The following SRSF4 variants were observed in gnomAD, a reference collection of about 807,000 sequenced individuals.
SRSF4 encodes the protein serine/arginine-rich splicing factor 4.
SRSF4 carries 12 observed loss-of-function variants against 48.8 expected under a neutral mutation model. The ratio of observed to expected loss-of-function variants is 0.25; its 90% CI spans 0.16 to 0.40. SRSF4 has a LOEUF of 0.40. SRSF4 is among the 10% of genes least tolerant of loss of function. The pLI is 1.00. For missense variants in SRSF4, 466 were observed against 667.1 expected, an observed-to-expected ratio of 0.70 and a Z score of 3.32; for synonymous variants, 248 against 232.5, an observed-to-expected ratio of 1.07 and a Z score of -0.61.
chr1:29,175,728 CAATTATA>C (rs948429481), intron 1 of SRSF4, among the ~76,000 whole-genome samples: 20 of 117,812 alleles, frequency 1.7e-4, no homozygotes, highest in African/African-American at 5.6e-4. Context: ...AAAAAATTTC[CAATTATA>C]AATATGTGCT....
At position 29,148,390 on chromosome 1, in the gene SRSF4, C is replaced by T. The variant is rs1468098185; in HGVS notation, c.*20G>A. On this transcript the variant is annotated 3_prime_UTR_variant, in exon 6 of 6. Transcript: ENST00000373795. ...TGTACAAAAGACTTCTCGGGTAGTT[C>T]CAGCTGTGGCCATAGCCAGTTAGGA... is the stretch of plus-strand genomic sequence containing the variant. The T allele has an allele frequency of 2.6e-6, 4 of 1,567,872 alleles. No homozygotes were observed. Among genetic ancestry groups the T allele is most frequent in the Non-Finnish European group, 3.5e-6 (4 of 1,157,334 alleles).
intron 1 of SRSF4, among the ~76,000 whole-genome samples, chr1:29,168,069 G>A (rs1030293054): frequency 2.0e-5 from 3 of 149,412 alleles, no homozygotes; most frequent in East Asian, 3.9e-4. Flanking sequence ...AGGCTGCAGC[G>A]CAGCGGCGCG....
intron 1 of SRSF4, chr1:29,166,619 T>A (rs1011188021): frequency 1.3e-5 from 2 of 152,234 alleles, no homozygotes; most frequent in Non-Finnish European, 2.9e-5. Flanking sequence ...GTTCCTGAGA[T>A]CCTTTCCTTT....
intron 5 of SRSF4, 27 bp downstream of exon 5, chr1:29,150,076 C>A: frequency 6.3e-7 from 1 of 1,592,766 alleles, no homozygotes; most frequent in Non-Finnish European, 8.6e-7. Flanking sequence ...CTGCTGACCA[C>A]CTCTACTTAT....
At chr1:29,152,331 A>G (rs1672424208) in intron 4 of SRSF4, among the ~76,000 whole-genome samples, 1 of 152,330 alleles carries the variant, frequency 6.6e-6, no homozygotes, top group East Asian at 1.9e-4. Flanking sequence ...AATAAAAACT[A>G]CAGAAGCTGG....
rs560821029 is a variant in SRSF4 at position 29,180,147 on chromosome 1, G to A, written c.107+1499C>T. Among the ~76,000 whole-genome samples, 8 of 152,262 alleles carry A rather than the reference G, an allele frequency of 5.3e-5. No individual in the cohort carries two copies. The South Asian group carries it at 1.2e-3, about 24-fold the overall frequency. ...GTTCAGAGAAGTAACTTGCCCATAC[G>A]TAGTAAGTGGTGGAACCAGGATTTG... On this transcript the variant is annotated intron_variant, in intron 1 of 5. Transcript: ENST00000373795.
At chr1:29,149,688 G>GA (rs35111206) in intron 5 of SRSF4, among the ~76,000 whole-genome samples, 196 of 100,870 alleles carry the variant, frequency 1.9e-3, no homozygotes, top group Non-Finnish European at 2.5e-3. Context: ...CTTGAGGGGG[G>GA]AAAAAAAAAA....
chr1:29,151,859 AATAC>A (rs1412505504), intron 4 of SRSF4, among the ~76,000 whole-genome samples: 1 of 152,232 alleles, frequency 6.6e-6, no homozygotes, highest in Non-Finnish European at 1.5e-5. Context: ...TGCTTGTATA[AATAC>A]ATACATACAA....
At chr1:29,163,621 TA>T (rs1229273644) in intron 1 of SRSF4, among the ~76,000 whole-genome samples, 3 of 152,168 alleles carry the variant, frequency 2.0e-5, no homozygotes, top group African/African-American at 7.2e-5. Context: ...ATAATAAAAA[TA>T]AAATGTTACC....
chr1:29,154,636 T>C, intron 4 of SRSF4, 60 bp downstream of exon 4: 2 of 1,493,988 alleles, frequency 1.3e-6, no homozygotes, highest in Non-Finnish European at 1.8e-6. Context: ...AAATAAATTA[T>C]CTATGTGCTC....
intron 4 of SRSF4, 142 bp from the exon 5 acceptor site, chr1:29,150,334 G>A (rs867475478): frequency 2.4e-5 from 8 of 333,036 alleles, no homozygotes; most frequent in Middle Eastern, 9.2e-4. Flanking sequence ...GCGCGATCTC[G>A]GCTCACCACA....
At chr1:29,169,252 T>C (rs1009519921) in intron 1 of SRSF4, 8 of 152,192 alleles carry the variant, frequency 5.3e-5, no homozygotes, top group African/African-American at 1.4e-4. Flanking sequence ...AGACCTGGGA[T>C]TCTTCACACC....
At chr1:29,154,348 G>A (rs961209255) in intron 4 of SRSF4, 14 of 197,498 alleles carry the variant, frequency 7.1e-5, no homozygotes, top group Non-Finnish European at 1.3e-4. Flanking sequence ...ACAGACATGC[G>A]CCACAGCGCC....
At position 29,148,187 on chromosome 1, in the gene SRSF4, TA is replaced by T; in HGVS notation, c.*222del. 1 of 702,856 alleles carries T rather than the reference TA, an allele frequency of 1.4e-6. No homozygotes were observed. Among genetic ancestry groups the T allele is most frequent in the South Asian group, 1.5e-5 (1 of 66,878 alleles). 43.5% of individuals were successfully genotyped at this position (702,856 alleles called of 1,614,324 possible). On this transcript the variant is annotated 3_prime_UTR_variant, in exon 6 of 6. Coordinates refer to ENST00000373795, the MANE Select transcript of SRSF4 (RefSeq NM_005626.5). ...TGGATATTCTACTGTGGGCCATGAG[TA>T]AAAGGGGATTTTCAAAGAGAAAATT...
intron 1 of SRSF4, among the ~76,000 whole-genome samples, chr1:29,167,194 A>T (rs1393907780): frequency 6.6e-6 from 1 of 152,190 alleles, no homozygotes; most frequent in Non-Finnish European, 1.5e-5. Flanking sequence ...TTTGTTTAGA[A>T]GTCTATAACG....
At chr1:29,178,353 CT>C (rs3061128) in intron 1 of SRSF4, among the ~76,000 whole-genome samples, 2 of 127,878 alleles carry the variant, frequency 1.6e-5, no homozygotes, top group East Asian at 4.6e-4. Flanking sequence ...GTTTCAATTA[CT>C]TTTTTTTTTG....
At position 29,181,675 on chromosome 1, in the gene SRSF4, C is replaced by T. The variant is rs963641541; in HGVS notation, c.78G>A (p.Gly26=). 6.3e-7 allele frequency: 1 copy of T among 1,597,384 alleles called. No homozygotes were observed. Among genetic ancestry groups the T allele is most frequent in the Non-Finnish European group, 8.5e-7 (1 of 1,173,552 alleles). ...RDVERFFKGY[G]KILEVDLKNG... is the part of the protein sequence containing the mutation. ...TCTTCAGATCCACCTCCAGGATCTT[C>T]CCGTAGCCCTTAAAGAAGCGCTCCA... Residue 26 remains glycine, a synonymous_variant, in exon 1 of 6, where the codon GGG becomes GGA. Transcript: ENST00000373795.
At chr1:29,171,370 T>C (rs972702231) in intron 1 of SRSF4, 3 of 149,096 alleles carry the variant, frequency 2.0e-5, no homozygotes, top group African/African-American at 5.0e-5. Flanking sequence ...CTAAAGGAAA[T>C]AGCATGAGGG....
chr1:29,177,833 C>G (rs1480452279), intron 1 of SRSF4, among the ~76,000 whole-genome samples: 2 of 151,492 alleles, frequency 1.3e-5, no homozygotes, highest in Non-Finnish European at 2.9e-5. Context: ...TTCCTGAACA[C>G]TAAATCTCCT....
Sources: allele counts gnomAD v4.1 joint callset (sites outside exome capture counted in the v4.1 genomes callset), GRCh38; gene constraint gnomAD v4.1.1; transcripts MANE v1.5; gene names NCBI Gene and HGNC (gene_info 2026-07-23, HGNC 2026-07-21).